BLTP3A: variants seen among roughly 807,000 people sequenced by gnomAD.
BLTP3A encodes bridge-like lipid transfer protein family member 3A, also known as ICBP90 binding protein 1.
chr6:34,814,212 A>G, the BLTP3A span, among the ~76,000 whole-genome samples: 1 of 152,012 alleles, frequency 6.6e-6, no homozygotes, highest in African/African-American at 2.4e-5. Context: ...ATGAGGTTTC[A>G]CCATGTTGCC....
At chr6:34,843,300 T>A in the BLTP3A span, among the ~76,000 whole-genome samples, 270 of 152,312 alleles carry the variant, frequency 1.8e-3, no homozygotes, top group African/African-American at 6.0e-3. Flanking sequence ...ACTTTTATTT[T>A]TTTTTTGCCC....
chr6:34,855,688 C>A, the BLTP3A span: 1 of 1,613,696 alleles, frequency 6.2e-7, no homozygotes, highest in Non-Finnish European at 8.5e-7. Context: ...TGACTATTAC[C>A]CTTTCCATTG....
the BLTP3A span, among the ~76,000 whole-genome samples, chr6:34,808,483 C>A: frequency 3.3e-5 from 5 of 150,938 alleles, no homozygotes; most frequent in Admixed American, 2.6e-4. Context: ...CAAGACTGAT[C>A]AAGGAAAAAA....
chr6:34,861,904 G>A, the BLTP3A span, among the ~76,000 whole-genome samples: 33 of 152,168 alleles, frequency 2.2e-4, no homozygotes, highest in East Asian at 6.2e-3. Flanking sequence ...ATTTTTAATT[G>A]CTCCATTATA....
At chr6:34,800,771 ATATATT>A in the BLTP3A span, among the ~76,000 whole-genome samples, 3 of 152,088 alleles carry the variant, frequency 2.0e-5, no homozygotes, top group Non-Finnish European at 2.9e-5. Context: ...CAAAAATAAG[ATATATT>A]TATATAGTGG....
the BLTP3A span, among the ~76,000 whole-genome samples, chr6:34,810,803 T>C: frequency 6.6e-6 from 1 of 152,186 alleles, no homozygotes; most frequent in Non-Finnish European, 1.5e-5. Flanking sequence ...TATATTTGTT[T>C]ACATTTCTCC....
At chr6:34,837,448 C>T in the BLTP3A span, among the ~76,000 whole-genome samples, 1 of 152,062 alleles carries the variant, frequency 6.6e-6, no homozygotes, top group Admixed American at 6.6e-5. Flanking sequence ...CTTTGGGAGG[C>T]TGAGGTGGGA....
At chr6:34,866,681 G>C in the BLTP3A span, among the ~76,000 whole-genome samples, 1,282 of 152,236 alleles carry the variant, frequency 8.4e-3, 20 homozygotes, top group African/African-American at 0.027. Flanking sequence ...CTGTCTATCT[G>C]CAGGATGTTT....
chr6:34,792,148 C>T, the BLTP3A span: 11 of 1,050,702 alleles, frequency 1.0e-5, no homozygotes, highest in Admixed American at 7.5e-5. Flanking sequence ...CGGCTGTGTC[C>T]GGTGCTCACG....
At chr6:34,844,683 C>A in the BLTP3A span, among the ~76,000 whole-genome samples, 3 of 152,040 alleles carry the variant, frequency 2.0e-5, no homozygotes, top group African/African-American at 7.3e-5. Context: ...CTATTCAGGT[C>A]TTTTGCCCAT....
chr6:34,823,178 T>G, the BLTP3A span: 1 of 1,228,804 alleles, frequency 8.1e-7, no homozygotes, highest in Non-Finnish European at 1.2e-6. Context: ...AGCACGGAGA[T>G]GAATGACACA....
the BLTP3A span, chr6:34,822,010 T>C: frequency 2.5e-6 from 4 of 1,609,540 alleles, no homozygotes. Context: ...GGGTAGGCTT[T>C]TAGAAGATAA....
At chr6:34,859,315 A>G in the BLTP3A span, 1 of 1,613,912 alleles carries the variant, frequency 6.2e-7, no homozygotes, top group East Asian at 2.2e-5. Context: ...CCAAGCCTCC[A>G]GCTCACCAGC....
At chr6:34,844,932 C>A in the BLTP3A span, among the ~76,000 whole-genome samples, 2 of 152,134 alleles carry the variant, frequency 1.3e-5, no homozygotes, top group African/African-American at 4.8e-5. Flanking sequence ...TTTGCCCAGA[C>A]CAATGTTGTG....
chr6:34,839,530 T>C, the BLTP3A span, among the ~76,000 whole-genome samples: 1 of 152,200 alleles, frequency 6.6e-6, no homozygotes, highest in Non-Finnish European at 1.5e-5. Flanking sequence ...TTCAAAGATA[T>C]GTGTCAGGTC....
chr6:34,870,871 T>C, the BLTP3A span: 1 of 1,614,172 alleles, frequency 6.2e-7, no homozygotes, highest in East Asian at 2.2e-5. Context: ...CTTTCAGGAA[T>C]CCTCAACTTT....
At chr6:34,825,051 CTTATAA>C in the BLTP3A span, among the ~76,000 whole-genome samples, 1 of 152,154 alleles carries the variant, frequency 6.6e-6, no homozygotes, top group Non-Finnish European at 1.5e-5. Flanking sequence ...TTTTAAAGCT[CTTATAA>C]TTATATCCCA....
the BLTP3A span, among the ~76,000 whole-genome samples, chr6:34,794,985 C>T: frequency 6.6e-6 from 1 of 151,692 alleles, no homozygotes; most frequent in South Asian, 2.1e-4. Context: ...GATGGGGTTT[C>T]ACCATGTTGG....
At chr6:34,826,062 C>T in the BLTP3A span, among the ~76,000 whole-genome samples, 2 of 137,862 alleles carry the variant, frequency 1.5e-5, no homozygotes, top group Non-Finnish European at 3.1e-5. Flanking sequence ...TGGAGTCTCA[C>T]TCTGTTGCCC....
Sources: allele counts gnomAD v4.1 joint callset (sites outside exome capture counted in the v4.1 genomes callset), GRCh38; gene constraint gnomAD v4.1.1; transcripts MANE v1.5; gene names NCBI Gene and HGNC (gene_info 2026-07-23, HGNC 2026-07-21).